CHD6: variants seen among roughly 807,000 people sequenced by gnomAD.
CHD6 encodes ATP-dependent chromatin remodeler CHD6.
CHD6 carries 50 observed loss-of-function variants against 276.9 expected under a neutral mutation model. That is an observed-to-expected ratio of 0.18 (90% CI 0.14 to 0.23). The LOEUF (loss-of-function observed/expected upper bound fraction) is 0.23, where lower values mean the gene tolerates loss of function less well. Among genes scored for constraint, CHD6 ranks in the 10% least tolerant of loss-of-function variants. The pLI, the probability that CHD6 is intolerant of heterozygous loss-of-function variation, is 1.00. For synonymous variants in CHD6, 1,173 were observed against 1,229.3 expected (o/e 0.95, Z 0.96); for missense variants, 2,564 against 3,365.8 (o/e 0.76, Z 5.89).
In CHD6 at chr20:41,417,128, G is replaced by C. The variant is rs546171954; in HGVS notation, c.6279+70C>G. On this transcript the variant is annotated intron_variant, in intron 32 of 36. Coordinates refer to ENST00000373233, the MANE Select transcript of CHD6 (RefSeq NM_032221.5). ...TTCTTGTTCAGAACTATTTCTAAAA[G>C]GGTTAAAAAAAGCAATTCAAAGCTG... 7 of 1,379,428 alleles carry C rather than the reference G, an allele frequency of 5.1e-6. No homozygotes were observed. The South Asian group carries it at 8.1e-5, about 16-fold the overall frequency. The allele number at this position is 1,379,428 out of a possible 1,614,324, so 85.4% of individuals were successfully genotyped here. A position where few individuals can be genotyped will look rare whatever the true frequency, so the allele number is the denominator to read the frequency against.
At chr20:41,594,285 T>G (rs1057397601) in intron 1 of CHD6, among the ~76,000 whole-genome samples, 2 of 152,226 alleles carry the variant, frequency 1.3e-5, no homozygotes, top group Non-Finnish European at 2.9e-5. Context: ...ATCCCATGGC[T>G]CCAGCCTAAG....
intron 16 of CHD6, among the ~76,000 whole-genome samples, chr20:41,477,178 T>C (rs1039794988): frequency 6.6e-6 from 1 of 152,134 alleles, no homozygotes. Context: ...GAGTTCAAAG[T>C]TGCAGTGAGC....
At chr20:41,455,410 T>C (rs981448085) in intron 19 of CHD6, among the ~76,000 whole-genome samples, 2 of 152,176 alleles carry the variant, frequency 1.3e-5, no homozygotes, top group African/African-American at 2.4e-5. Context: ...ACAAACAAAT[T>C]GCTTGAGTTT....
At chr20:41,451,160 C>A (rs376835856) in intron 22 of CHD6, 55 bp from the exon 23 acceptor site, 1 of 1,518,466 alleles carries the variant, frequency 6.6e-7, no homozygotes, top group African/African-American at 1.4e-5. Flanking sequence ...GTGTTACACA[C>A]GGGTTTTAGA....
chr20:41,582,370 T>C (rs750577138), intron 1 of CHD6, among the ~76,000 whole-genome samples: 3 of 152,130 alleles, frequency 2.0e-5, no homozygotes, highest in Non-Finnish European at 2.9e-5. Flanking sequence ...CTTTAGGGTA[T>C]TATAAAAGGA....
At chr20:41,430,380 C>A (rs2047498319) in intron 27 of CHD6, among the ~76,000 whole-genome samples, 2 of 152,200 alleles carry the variant, frequency 1.3e-5, no homozygotes, top group Non-Finnish European at 2.9e-5. Context: ...TCTGCCATGG[C>A]CCTCCAGTGT....
chr20:41,510,070 C>T (rs6093489), intron 5 of CHD6, among the ~76,000 whole-genome samples: 57,102 of 151,994 alleles, frequency 0.38, 13,312 homozygotes, highest in African/African-American at 0.64. Context: ...CATTCTGGTG[C>T]TGACTCCATC....
intron 1 of CHD6, among the ~76,000 whole-genome samples, chr20:41,566,700 C>T (rs921819947): frequency 9.2e-5 from 14 of 152,164 alleles, no homozygotes; most frequent in Non-Finnish European, 1.9e-4. Flanking sequence ...ACAAAGCCTG[C>T]CTCCCATAGA....
chr20:41,441,806 A>G (rs756218944), intron 25 of CHD6, among the ~76,000 whole-genome samples: 2 of 152,250 alleles, frequency 1.3e-5, no homozygotes, highest in Non-Finnish European at 2.9e-5. Context: ...ACAAAGACAA[A>G]GAGCAACGTG....
chr20:41,437,902 C>T, intron 26 of CHD6, among the ~76,000 whole-genome samples: 1 of 151,638 alleles, frequency 6.6e-6, no homozygotes, highest in East Asian at 1.9e-4. Context: ...ATCACTTCTA[C>T]AGGCAAGGAC....
At position 41,484,497 on chromosome 20, in the gene CHD6, G is replaced by A. The variant is rs772036930; in HGVS notation, c.2112C>T (p.Thr704=). ...KQETIIEVEL[T]NIQKKYYRAI... is the part of the protein sequence containing the mutation. ...CACGGTAGTACTTTTTCTGGATATT[G>A]GTCAGTTCCACCTCAATGATCGTCT... Residue 704 remains threonine (T), a synonymous_variant, in exon 15 of 37, where the codon ACC becomes ACT. Transcript: ENST00000373233. 2.5e-6 allele frequency: 4 copies of A among 1,613,696 alleles called. No homozygotes were observed. The South Asian group carries it at 4.4e-5, about 18-fold the overall frequency.
chr20:41,512,221 T>G (rs1332079181), intron 5 of CHD6, among the ~76,000 whole-genome samples: 1 of 151,784 alleles, frequency 6.6e-6, no homozygotes, highest in African/African-American at 2.4e-5. Flanking sequence ...TGCCTCGGAC[T>G]CCCAAAAGTG....
At chr20:41,513,032 A>G in intron 4 of CHD6, 37 bp from the exon 5 acceptor site, 1 of 1,612,704 alleles carries the variant, frequency 6.2e-7, no homozygotes, top group African/African-American at 1.3e-5. Context: ...AAGCTCTCTG[A>G]GTGAAAGACA....
intron 2 of CHD6, among the ~76,000 whole-genome samples, chr20:41,549,949 C>T (rs1363791213): frequency 6.6e-6 from 1 of 152,192 alleles, no homozygotes; most frequent in African/African-American, 2.4e-5. Flanking sequence ...CAGGTGCTCG[C>T]CACCATGCCT....
At chr20:41,563,656 A>G (rs1449616890) in intron 1 of CHD6, among the ~76,000 whole-genome samples, 1 of 152,230 alleles carries the variant, frequency 6.6e-6, no homozygotes, top group Non-Finnish European at 1.5e-5. Flanking sequence ...AATAATTACT[A>G]TTAAGAAGAA....
rs750503856 is a variant in CHD6 at position 41,421,725 on chromosome 20, G to C, written c.4910C>G (p.Ser1637Cys). 12 of 1,614,064 alleles carry C rather than the reference G, an allele frequency of 7.4e-6. No homozygotes were observed. The South Asian group carries it at 1.2e-4, about 16-fold the overall frequency. ...GNLCCLYQTN[S>C]KLYESLTYSQ... ...ATATGTAAGAGATTCATATAACTTG[G>C]AGTTGGTCTGGTAAAGGCAACAGAG... Residue 1637 changes from serine (S) to cysteine (C), a missense_variant, in exon 31 of 37, where the codon TCC (serine) becomes TGC (cysteine). By Grantham distance (112) the Ser-to-Cys change is moderately radical. Coordinates refer to ENST00000373233, the MANE Select transcript of CHD6 (RefSeq NM_032221.5).
At chr20:41,569,412 C>G (rs2146204314) in intron 1 of CHD6, among the ~76,000 whole-genome samples, 1 of 152,338 alleles carries the variant, frequency 6.6e-6, no homozygotes, top group East Asian at 1.9e-4. Flanking sequence ...CAAACCACTA[C>G]TAACTTCTAA....
chr20:41,582,962 G>T (rs2045556601), intron 1 of CHD6, among the ~76,000 whole-genome samples: 1 of 152,022 alleles, frequency 6.6e-6, no homozygotes, highest in Non-Finnish European at 1.5e-5. Context: ...AGAAGTGGAG[G>T]GAAACACAGA....
At chr20:41,590,208 C>T (rs989282320) in intron 1 of CHD6, among the ~76,000 whole-genome samples, 6 of 152,140 alleles carry the variant, frequency 3.9e-5, no homozygotes, top group Middle Eastern at 3.4e-3. Context: ...TATACAAATA[C>T]GAATTCAAGA....
Sources: gnomAD v4.1 joint callset for allele counts (sites outside exome capture counted in the v4.1 genomes callset) on GRCh38, gnomAD v4.1.1 for gene constraint, MANE v1.5 for transcripts, NCBI Gene and HGNC (gene_info 2026-07-23, HGNC 2026-07-21) for gene names.